The following MRTFB variants were observed in gnomAD, a reference collection of about 807,000 sequenced individuals.
MRTFB encodes the protein myocardin-related transcription factor B.
In MRTFB, 29 loss-of-function variants were observed where a neutral mutation model predicts 104.2. That is an observed-to-expected ratio of 0.28 (90% confidence interval 0.21 to 0.38). The LOEUF (loss-of-function observed/expected upper bound fraction) is 0.38, where lower values mean the gene tolerates loss of function less well. Among genes scored for constraint, MRTFB ranks in the 10% least tolerant of loss-of-function variants. The pLI is 1.00. For missense variants in MRTFB, 1,270 were observed against 1,341.6 expected (o/e 0.95, Z 0.83); for synonymous variants, 535 against 519.5 (o/e 1.03, Z -0.41).
intron 12 of MRTFB, 130 bp downstream of exon 12, chr16:14,247,637 A>G (rs1235005516): frequency 2.6e-6 from 2 of 764,308 alleles, no homozygotes; most frequent in East Asian, 5.4e-5. Flanking sequence ...AAACGTATGC[A>G]TGTGTGAGAG....
At chr16:14,251,653 A>G (rs2043260963) in intron 13 of MRTFB, among the ~76,000 whole-genome samples, 1 of 152,206 alleles carries the variant, frequency 6.6e-6, no homozygotes, top group Non-Finnish European at 1.5e-5. Flanking sequence ...ACACCCATTT[A>G]TCCATGTACT....
intron 7 of MRTFB, among the ~76,000 whole-genome samples, 162 bp from the exon 8 acceptor site, chr16:14,218,651 AATACATC>A (rs1377640316): frequency 6.6e-6 from 1 of 152,138 alleles, no homozygotes; most frequent in African/African-American, 2.4e-5. Context: ...TTCACTCAAG[AATACATC>A]ATGGTTAGTG....
rs1263926044 is a variant in MRTFB, at chr16:14,266,277, A to G, written c.*4833A>G. 1 of 152,242 alleles carries G rather than the reference A, an allele frequency of 6.6e-6. No homozygotes were observed. Among genetic ancestry groups the G allele is most frequent in the African/African-American group, 2.4e-5 (1 of 41,460 alleles). 9.4% of individuals were successfully genotyped at this position (152,242 alleles called of 1,614,324 possible). A position where few individuals can be genotyped will look rare whatever the true frequency, so the allele number is the denominator to read the frequency against. On this transcript the variant is annotated 3_prime_UTR_variant, in exon 17 of 17. Coordinates refer to ENST00000571589, the MANE Select transcript of MRTFB (RefSeq NM_001308142.2). Reference sequence around the variant, plus strand: ...GTTGTTTTGTTGGTTTAAGAGTAACATTCAGTAGTAATACAAAGTTTTTTT... The same window carrying G: ...GTTGTTTTGTTGGTTTAAGAGTAACGTTCAGTAGTAATACAAAGTTTTTTT...
chr16:14,150,812 C>A (rs1473380555), intron 3 of MRTFB: 8 of 152,220 alleles, frequency 5.3e-5, no homozygotes, highest in Admixed American at 5.2e-4. Context: ...AGATCTCAAT[C>A]TATGGTACAT....
intron 2 of MRTFB, among the ~76,000 whole-genome samples, chr16:14,113,930 A>T (rs915259667): frequency 1.3e-5 from 2 of 152,164 alleles, no homozygotes; most frequent in Non-Finnish European, 1.5e-5. Flanking sequence ...AGAATAAAAA[A>T]ATTACATACA....
the MRTFB span, among the ~76,000 whole-genome samples, chr16:14,056,914 A>G: frequency 6.6e-6 from 1 of 152,088 alleles, no homozygotes; most frequent in Non-Finnish European, 1.5e-5. Context: ...CCCTGTTTGT[A>G]ACTTTGTTTT....
At chr16:14,019,476 G>A in the MRTFB span, 1 of 152,172 alleles carries the variant, frequency 6.6e-6, no homozygotes, top group African/African-American at 2.4e-5. Flanking sequence ...CTGAAGCCAA[G>A]TCAGGTTGAC....
chr16:14,108,646 G>T (rs1486803534), intron 2 of MRTFB, among the ~76,000 whole-genome samples: 1 of 152,182 alleles, frequency 6.6e-6, no homozygotes, highest in Non-Finnish European at 1.5e-5. Flanking sequence ...TCTCCCCTTG[G>T]ATTGGAGATT....
intron 12 of MRTFB, 129 bp from the exon 13 acceptor site, chr16:14,248,797 G>A: frequency 2.2e-6 from 2 of 894,478 alleles, no homozygotes; most frequent in South Asian, 1.8e-5. Flanking sequence ...GATGAAGTGT[G>A]TATCTGTAAC....
At chr16:14,212,601 CA>C (rs1366661940) in intron 5 of MRTFB, among the ~76,000 whole-genome samples, 192 bp downstream of exon 5, 1 of 152,194 alleles carries the variant, frequency 6.6e-6, no homozygotes, top group Non-Finnish European at 1.5e-5. Flanking sequence ...AAATACATGA[CA>C]TTCAAATTTT....
intron 2 of MRTFB, among the ~76,000 whole-genome samples, chr16:14,097,567 A>T (rs1165463651): frequency 1.3e-5 from 2 of 152,212 alleles, no homozygotes; most frequent in African/African-American, 2.4e-5. Flanking sequence ...TCTTTTTGTA[A>T]ACAGCTTTAT....
At chr16:14,143,161 C>CTTTTTT (rs58550641) in intron 3 of MRTFB, 6 of 102,184 alleles carry the variant, frequency 5.9e-5, no homozygotes, top group Non-Finnish European at 6.6e-5. Context: ...CTGAACATTT[C>CTTTTTT]TTTTTTTTTT....
the MRTFB span, among the ~76,000 whole-genome samples, chr16:13,995,991 G>T: frequency 1.2e-4 from 18 of 152,142 alleles, no homozygotes; most frequent in Non-Finnish European, 2.2e-4. Context: ...TAACCAGGCA[G>T]CCGGGCACGG....
chr16:14,059,997 A>ATTT, the MRTFB span, among the ~76,000 whole-genome samples: 711 of 99,716 alleles, frequency 7.1e-3, 132 homozygotes, highest in African/African-American at 0.034. Flanking sequence ...GAGACATGTA[A>ATTT]TTTTTTTTTT....
chr16:14,083,365 T>C (rs1404299002), intron 2 of MRTFB, among the ~76,000 whole-genome samples: 1 of 152,178 alleles, frequency 6.6e-6, no homozygotes, highest in African/African-American at 2.4e-5. Context: ...ACTGAGGGTA[T>C]GAGAAGCCCA....
intron 16 of MRTFB, among the ~76,000 whole-genome samples, chr16:14,259,644 G>C (rs769892806): frequency 9.9e-5 from 15 of 152,250 alleles, no homozygotes; most frequent in Admixed American, 5.2e-4. Flanking sequence ...AGCCACCCAG[G>C]AGGCTGAGAG....
chr16:14,257,049 A>G (rs1193410556), intron 15 of MRTFB, among the ~76,000 whole-genome samples: 1 of 152,252 alleles, frequency 6.6e-6, no homozygotes, highest in Non-Finnish European at 1.5e-5. Flanking sequence ...ATACCGCTAC[A>G]CACCTAATGA....
At chr16:14,257,757 A>G (rs1567227486) in intron 15 of MRTFB, among the ~76,000 whole-genome samples, 1 of 152,222 alleles carries the variant, frequency 6.6e-6, no homozygotes, top group Non-Finnish European at 1.5e-5. Context: ...ACAAATATGT[A>G]TAGTGTGATC....
At chr16:14,067,098 T>C (rs2033533547), upstream of MRTFB, among the ~76,000 whole-genome samples, 1 of 152,128 alleles carries the variant, frequency 6.6e-6, no homozygotes, top group South Asian at 2.1e-4. Context: ...GATGGGAAAG[T>C]ATGGCACATC....
Sources: gnomAD v4.1 joint callset for allele counts (sites outside exome capture counted in the v4.1 genomes callset) on GRCh38, gnomAD v4.1.1 for gene constraint, MANE v1.5 for transcripts, NCBI Gene and HGNC (gene_info 2026-07-23, HGNC 2026-07-21) for gene names.